The following TM2D1 variants were observed in gnomAD, a reference collection of about 807,000 sequenced individuals.
The protein encoded by TM2D1 is TM2 domain-containing protein 1.
Under a neutral mutation model 28.4 loss-of-function variants are expected in TM2D1, and 15 were observed. The ratio of observed to expected loss-of-function variants is 0.53; its 90% CI spans 0.35 to 0.81. TM2D1 has a LOEUF of 0.81. Ranked by LOEUF, TM2D1 falls within the 40% of genes least tolerant of loss-of-function variation. TM2D1 has a pLI of 0.01. For missense variants in TM2D1, 236 were observed against 254.9 expected, an observed-to-expected ratio of 0.93 and a Z score of 0.50; for synonymous variants, 93 against 96.2, an observed-to-expected ratio of 0.97 and a Z score of 0.20.
intron 4 of TM2D1, chr1:61,696,167 G>T (rs752987608): frequency 6.6e-6 from 1 of 152,210 alleles, no homozygotes; most frequent in African/African-American, 2.4e-5. Flanking sequence ...TCATATTTCC[G>T]AAATGTATTC....
At chr1:61,710,463 CATAT>C (rs1237520200) in intron 2 of TM2D1, among the ~76,000 whole-genome samples, 2 of 78,822 alleles carry the variant, frequency 2.5e-5, no homozygotes, top group African/African-American at 1.2e-4. Context: ...TATATATATA[CATAT>C]ATATATATAC....
At chr1:61,695,768 A>ACACATAT (rs1312240141) in intron 4 of TM2D1, among the ~76,000 whole-genome samples, 1 of 152,226 alleles carries the variant, frequency 6.6e-6, no homozygotes, top group Non-Finnish European at 1.5e-5. Flanking sequence ...ATAATGTTGC[A>ACACATAT]AGTACAGAAA....
chr1:61,698,491 G>A (rs946226233), intron 4 of TM2D1: 7 of 151,436 alleles, frequency 4.6e-5, no homozygotes, highest in Non-Finnish European at 1.0e-4. Context: ...CCAGGAGGCA[G>A]AGGTTGCGGT....
chr1:61,716,297 C>T (rs1054170714), intron 2 of TM2D1, among the ~76,000 whole-genome samples: 7 of 149,640 alleles, frequency 4.7e-5, no homozygotes, highest in East Asian at 3.9e-4. Context: ...ACAGCCTGGG[C>T]GACAGAGTAA....
intron 2 of TM2D1, among the ~76,000 whole-genome samples, chr1:61,712,758 T>G (rs1391477663): frequency 1.3e-5 from 2 of 152,162 alleles, no homozygotes; most frequent in African/African-American, 4.8e-5. Context: ...TATAGCACTC[T>G]TCAAAGTGGA....
At chr1:61,700,330 A>C in intron 4 of TM2D1, 1 of 1,393,042 alleles carries the variant, frequency 7.2e-7, no homozygotes, top group Non-Finnish European at 9.3e-7. Context: ...AGTCTTCAAT[A>C]AGGGCAGGCA....
chr1:61,714,233 T>C (rs1359757379), intron 2 of TM2D1, among the ~76,000 whole-genome samples: 1 of 144,966 alleles, frequency 6.9e-6, no homozygotes, highest in African/African-American at 2.5e-5. Flanking sequence ...AAATGCCTGG[T>C]AAAAAATATT....
At chr1:61,688,584 G>A (rs916471893) in intron 5 of TM2D1, among the ~76,000 whole-genome samples, 1 of 152,116 alleles carries the variant, frequency 6.6e-6, no homozygotes, top group Non-Finnish European at 1.5e-5. Flanking sequence ...TCAGCTGGGC[G>A]CGGTGGCACA....
At chr1:61,706,636 C>CTAA (rs1644443076) in intron 3 of TM2D1, among the ~76,000 whole-genome samples, 1 of 151,772 alleles carries the variant, frequency 6.6e-6, no homozygotes, top group African/African-American at 2.4e-5. Flanking sequence ...TGGAGAAACC[C>CTAA]CGTCTCTACT....
chr1:61,682,449 TGAGTAA>T (rs1318443735), intron 6 of TM2D1, among the ~76,000 whole-genome samples: 1 of 152,186 alleles, frequency 6.6e-6, no homozygotes, highest in Non-Finnish European at 1.5e-5. Context: ...ACCAAAATCC[TGAGTAA>T]AAGTTTGCAT....
At chr1:61,708,880 T>G (rs992936157) in intron 3 of TM2D1, among the ~76,000 whole-genome samples, 2 of 152,028 alleles carry the variant, frequency 1.3e-5, no homozygotes, top group Admixed American at 1.3e-4. Context: ...AAATACACAC[T>G]TGGCTGGGTG....
intron 3 of TM2D1, among the ~76,000 whole-genome samples, chr1:61,702,564 C>T (rs960125562): frequency 6.6e-6 from 1 of 150,558 alleles, no homozygotes. Flanking sequence ...AAAGGGGTTT[C>T]ACCATGTTAG....
At chr1:61,702,639 A>G (rs956217048) in intron 3 of TM2D1, among the ~76,000 whole-genome samples, 4 of 151,328 alleles carry the variant, frequency 2.6e-5, no homozygotes, top group Admixed American at 2.0e-4. Context: ...AAGTGCTAGG[A>G]TTACAGGAAT....
chr1:61,700,900 T>C, intron 4 of TM2D1, 34 bp downstream of exon 4: 2 of 1,509,690 alleles, frequency 1.3e-6, no homozygotes, highest in Non-Finnish European at 1.8e-6. Context: ...AATATAGGTT[T>C]CATAAGGATT....
intron 3 of TM2D1, among the ~76,000 whole-genome samples, chr1:61,703,923 A>AT (rs1200166536): frequency 6.6e-6 from 1 of 150,584 alleles, no homozygotes; most frequent in African/African-American, 2.4e-5. Context: ...CACCCGGCTA[A>AT]TTTTTGTATT....
chr1:61,709,773 AT>A (rs1255921817), intron 2 of TM2D1, among the ~76,000 whole-genome samples: 1 of 152,184 alleles, frequency 6.6e-6, no homozygotes. Context: ...AGAATTAAGA[AT>A]ACCTCTCAAA....
chr1:61,711,843 T>A (rs1390820754), intron 2 of TM2D1, among the ~76,000 whole-genome samples: 1 of 152,120 alleles, frequency 6.6e-6, no homozygotes, highest in Non-Finnish European at 1.5e-5. Context: ...TCAGCAAAAG[T>A]CTGAAATGTT....
At chr1:61,702,033 T>C (rs1168677650) in intron 3 of TM2D1, among the ~76,000 whole-genome samples, 1 of 151,658 alleles carries the variant, frequency 6.6e-6, no homozygotes, top group Non-Finnish European at 1.5e-5. Context: ...CTACTAAAAA[T>C]ACAAAAATTA....
chr1:61,691,383 T>C (rs1644322954), intron 5 of TM2D1, among the ~76,000 whole-genome samples: 1 of 149,508 alleles, frequency 6.7e-6, no homozygotes, highest in Non-Finnish European at 1.5e-5. Context: ...TAATCCCAGC[T>C]ACTTGGGAGA....
Sources: allele counts gnomAD v4.1 joint callset (sites outside exome capture counted in the v4.1 genomes callset), GRCh38; gene constraint gnomAD v4.1.1; transcripts MANE v1.5; gene names NCBI Gene and HGNC (gene_info 2026-07-23, HGNC 2026-07-21).